The following CCDC66 variants were observed in gnomAD, a reference collection of about 807,000 sequenced individuals.
CCDC66 encodes the protein coiled-coil domain containing 66.
In CCDC66, 133 loss-of-function variants were observed where a neutral mutation model predicts 128.3. The observed-to-expected ratio is 1.04, with a 90% confidence interval of 0.90 to 1.20. The LOEUF (loss-of-function observed/expected upper bound fraction) is 1.20. Ranked by LOEUF, CCDC66 falls within the 50% of genes most tolerant of loss-of-function variation. The pLI is 0.00. For synonymous variants in CCDC66, 387 were observed against 357.0 expected (o/e 1.08, Z -0.95); for missense variants, 1,126 against 1,075.5 (o/e 1.05, Z -0.66).
intron 10 of CCDC66, among the ~76,000 whole-genome samples, chr3:56,611,669 GCTCCTCTGGCCACCCTC>G (rs1156592221): frequency 1.3e-5 from 2 of 151,054 alleles, no homozygotes; most frequent in Non-Finnish European, 2.9e-5. Flanking sequence ...TTTAACCCCT[GCTCCTCTGGCCACCCTC>G]CTGATGGATC....
At chr3:56,577,200 G>A (rs936092895) in intron 7 of CCDC66, among the ~76,000 whole-genome samples, 1 of 151,720 alleles carries the variant, frequency 6.6e-6, no homozygotes, top group East Asian at 2.0e-4. Context: ...TCATGTGTCT[G>A]TTGGCTGCAT....
At chr3:56,605,871 A>G (rs568534819) in intron 10 of CCDC66, among the ~76,000 whole-genome samples, 1 of 152,148 alleles carries the variant, frequency 6.6e-6, no homozygotes, top group Admixed American at 6.5e-5. Flanking sequence ...CTGCACCCAC[A>G]GCCACCCCTT....
At chr3:56,560,430 A>G (rs1483449112) in intron 3 of CCDC66, among the ~76,000 whole-genome samples, 1 of 152,008 alleles carries the variant, frequency 6.6e-6, no homozygotes, top group Non-Finnish European at 1.5e-5. Context: ...TGGAATTACC[A>G]TTTAAAAAAT....
chr3:56,602,758 T>G (rs2073399920), intron 10 of CCDC66, among the ~76,000 whole-genome samples: 1 of 151,872 alleles, frequency 6.6e-6, no homozygotes, highest in Non-Finnish European at 1.5e-5. Context: ...TCTAGTTTAT[T>G]TGTGTAGAGG....
chr3:56,562,980 T>C (rs1371760978), intron 3 of CCDC66, among the ~76,000 whole-genome samples: 1 of 152,102 alleles, frequency 6.6e-6, no homozygotes, highest in Non-Finnish European at 1.5e-5. Flanking sequence ...TACTTTTCTC[T>C]GATTTGTTCT....
In CCDC66 at chr3:56,557,207, C is replaced by T. The variant is rs946630707; in HGVS notation, c.-36C>T. 23 of 1,551,142 alleles carry T rather than the reference C, an allele frequency of 1.5e-5. No homozygotes were observed. In the African/African-American group the frequency reaches 2.9e-4, roughly 19 times the overall value. Reference sequence around the variant, plus strand: ...GGCGGCAACCGACGTACACAAGGGGCTTGAGCGTTCTGTGGAGAGAGTGCG... The same window carrying T: ...GGCGGCAACCGACGTACACAAGGGGTTTGAGCGTTCTGTGGAGAGAGTGCG... On this transcript the variant is annotated 5_prime_UTR_variant, in exon 1 of 18. Transcript: ENST00000394672.
At chr3:56,598,928 G>A (rs1193270727) in intron 10 of CCDC66, among the ~76,000 whole-genome samples, 1 of 151,984 alleles carries the variant, frequency 6.6e-6, no homozygotes, top group East Asian at 1.9e-4. Context: ...GGTAATGCTG[G>A]CCTCACAGAA....
In CCDC66 at chr3:56,603,675, T is replaced by C. The variant is rs377555443; in HGVS notation, c.1404+9647T>C. ...ACTGTGTTTTTATATCTAGTTTTTT[T>C]TGCATTTGCTGAGGAGTGTTTTACT... On this transcript the variant is annotated intron_variant, in intron 10 of 17. Transcript: ENST00000394672. 7.9e-5 allele frequency among the ~76,000 whole-genome samples: 12 copies of C among 152,164 alleles called. No homozygotes were observed. In the East Asian group the frequency reaches 2.3e-3, roughly 29 times the overall value.
Position 56,619,349 on chromosome 3 carries a change from C to T in CCDC66, c.2457C>T (p.Asn819=), listed in dbSNP as rs910627419. ...TQNTLHLPLK[N]SSYERENLIS... ...ATACATTACATTTACCACTAAAAAA[C>T]AGTAGCTATGAGAGAGAGAATTTGA... The change falls in exon 16 of 18, where the codon AAC becomes AAT. Residue 819 remains asparagine, a synonymous_variant. Transcript: ENST00000394672. 2 of 1,613,446 alleles carry T rather than the reference C, an allele frequency of 1.2e-6. No individual in the cohort carries two copies. The highest frequency in any genetic ancestry group is 1.1e-5 in the South Asian group (1 of 91,052).
At chr3:56,618,001 C>T in intron 14 of CCDC66, 171 bp from the exon 15 acceptor site, 1 of 626,900 alleles carries the variant, frequency 1.6e-6, no homozygotes, top group South Asian at 2.0e-5. Flanking sequence ...TTAGGAACTC[C>T]CAAGGATTAG....
Position 56,594,507 on chromosome 3 carries a change from C to T in CCDC66, c.1404+479C>T, listed in dbSNP as rs1007905597. 5.9e-5 allele frequency among the ~76,000 whole-genome samples: 9 copies of T among 151,806 alleles called. 1 individual carries two copies. The highest frequency in any genetic ancestry group is 1.3e-4 in the Admixed American group (2 of 15,222). Reference sequence around the variant, plus strand: ...AAGACCATCCTGTGAATGGTGAAACCCCGTCTCTACTAAAAATACAAAAAA... The same window carrying T: ...AAGACCATCCTGTGAATGGTGAAACTCCGTCTCTACTAAAAATACAAAAAA... On this transcript the variant is annotated intron_variant, in intron 10 of 17. Transcript: ENST00000394672.
intron 15 of CCDC66, 101 bp from the exon 16 acceptor site, chr3:56,619,170 G>C: frequency 2.0e-6 from 2 of 1,008,750 alleles, no homozygotes; most frequent in Non-Finnish European, 2.8e-6. Flanking sequence ...CTCCAGCCTG[G>C]GCAACAGAGC....
chr3:56,560,541 G>A (rs908461803), intron 3 of CCDC66, among the ~76,000 whole-genome samples: 1 of 152,164 alleles, frequency 6.6e-6, no homozygotes, highest in Non-Finnish European at 1.5e-5. Context: ...GGCCAGCCTG[G>A]CCAACATGGT....
intron 6 of CCDC66, among the ~76,000 whole-genome samples, chr3:56,567,480 A>C (rs555652961): frequency 2.6e-5 from 4 of 152,334 alleles, no homozygotes; most frequent in South Asian, 4.1e-4. Flanking sequence ...TTTCTGAAAG[A>C]TCAACTGACA....
At chr3:56,593,814 A>C (rs1044824196) in intron 9 of CCDC66, 73 bp downstream of exon 9, 1 of 1,587,122 alleles carries the variant, frequency 6.3e-7, no homozygotes, top group East Asian at 2.2e-5. Context: ...TGTTATGTCT[A>C]ATTGGTTTCA....
intron 7 of CCDC66, among the ~76,000 whole-genome samples, chr3:56,573,911 TA>T (rs911039582): frequency 1.3e-5 from 1 of 75,312 alleles, no homozygotes; most frequent in African/African-American, 3.9e-5. Context: ...TTTAAATAAC[TA>T]AAAAAAAACA....
At chr3:56,588,455 TA>T (rs1325562157) in intron 7 of CCDC66, among the ~76,000 whole-genome samples, 1 of 152,088 alleles carries the variant, frequency 6.6e-6, no homozygotes, top group Non-Finnish European at 1.5e-5. Flanking sequence ...CCTATAGAAA[TA>T]AAAATTTTTT....
intron 17 of CCDC66, 77 bp downstream of exon 17, chr3:56,619,978 GT>G (rs869055421): frequency 2.6e-6 from 2 of 773,104 alleles, no homozygotes; most frequent in African/African-American, 7.6e-5. Flanking sequence ...TGAACGGTTT[GT>G]TTTAAGTTAC....
At chr3:56,559,753 C>G (rs913364925) in intron 3 of CCDC66, among the ~76,000 whole-genome samples, 159 bp downstream of exon 3, 1 of 152,156 alleles carries the variant, frequency 6.6e-6, no homozygotes, top group African/African-American at 2.4e-5. Flanking sequence ...GGTCCTTTCA[C>G]AGAAATTGAA....
Sources: allele counts gnomAD v4.1 joint callset (sites outside exome capture counted in the v4.1 genomes callset), GRCh38; gene constraint gnomAD v4.1.1; transcripts MANE v1.5; gene names NCBI Gene and HGNC (gene_info 2026-07-23, HGNC 2026-07-21).